Variants in PRDM1 observed in about 807,000 individuals in gnomAD.
PRDM1 encodes PR/SET domain 1.
PRDM1 carries 13 observed loss-of-function variants against 62.8 expected under a neutral mutation model. The ratio of observed to expected loss-of-function variants is 0.21; its 90% CI spans 0.13 to 0.33. The LOEUF (loss-of-function observed/expected upper bound fraction) is 0.33. PRDM1 is among the 10% of genes least tolerant of loss of function. The pLI, the probability that PRDM1 is intolerant of heterozygous loss-of-function variation, is 1.00. For synonymous variants in PRDM1, 396 were observed against 417.6 expected (o/e 0.95, Z 0.63); for missense variants, 895 against 1,058.8 (o/e 0.85, Z 2.15).
intron 1 of PRDM1, among the ~76,000 whole-genome samples, chr6:106,009,603 T>C (rs1352697728): frequency 1.3e-5 from 2 of 152,150 alleles, no homozygotes; most frequent in Non-Finnish European, 2.9e-5. Context: ...GTGGAAACCA[T>C]AAATGAACAA....
chr6:105,993,218 A>T (rs1429332083), upstream of PRDM1, among the ~76,000 whole-genome samples: 3 of 152,234 alleles, frequency 2.0e-5, no homozygotes, highest in Non-Finnish European at 4.4e-5. Flanking sequence ...AAAGGAACTG[A>T]AGTCCTAACT....
At chr6:106,028,918 C>CTTTTTTTTTTTTTTTTT (rs756143283) in intron 1 of PRDM1, among the ~76,000 whole-genome samples, 1 of 124,298 alleles carries the variant, frequency 8.0e-6, no homozygotes, top group Non-Finnish European at 1.7e-5. Flanking sequence ...TTCTTTCCTT[C>CTTTTTTTTTTTTTTTTT]TTTTTTTTTT....
chr6:106,021,504 T>C (rs1428793689), intron 1 of PRDM1, among the ~76,000 whole-genome samples: 1 of 152,204 alleles, frequency 6.6e-6, no homozygotes, highest in Non-Finnish European at 1.5e-5. Flanking sequence ...CTCCTTTACT[T>C]AGGGCAAAGA....
At chr6:105,995,392 G>T (rs1241255951) in intron 1 of PRDM1, among the ~76,000 whole-genome samples, 1 of 152,086 alleles carries the variant, frequency 6.6e-6, no homozygotes, top group Non-Finnish European at 1.5e-5. Context: ...TAAATATACT[G>T]ATGTCTACAG....
intron 1 of PRDM1, among the ~76,000 whole-genome samples, chr6:106,007,734 A>G (rs1478879403): frequency 6.6e-6 from 1 of 152,220 alleles, no homozygotes; most frequent in East Asian, 1.9e-4. Context: ...GTTAGCTAAC[A>G]AGGTCACCTG....
intron 1 of PRDM1, among the ~76,000 whole-genome samples, chr6:106,020,851 T>A (rs1048810855): frequency 4.6e-5 from 7 of 152,186 alleles, no homozygotes; most frequent in Non-Finnish European, 1.0e-4. Context: ...CACACCTAAA[T>A]CTCAATTTCG....
intron 2 of PRDM1, among the ~76,000 whole-genome samples, chr6:106,095,388 G>A (rs923369555): frequency 5.9e-5 from 9 of 152,134 alleles, no homozygotes; most frequent in African/African-American, 2.2e-4. Flanking sequence ...CCCCTAGACT[G>A]TTTTAATGCT....
At chr6:106,098,558 T>A in intron 3 of PRDM1, 3 of 1,293,368 alleles carry the variant, frequency 2.3e-6, no homozygotes, top group Non-Finnish European at 3.1e-6. Flanking sequence ...AGGGGTTCCC[T>A]TCCCTCCTTT....
chr6:106,051,057 A>T (rs60473610), intron 1 of PRDM1, among the ~76,000 whole-genome samples: 1 of 152,306 alleles, frequency 6.6e-6, no homozygotes, highest in East Asian at 1.9e-4. Context: ...AAATAAAAAA[A>T]ATTACTAGAA....
chr6:106,000,467 A>G (rs1772413700), intron 1 of PRDM1, among the ~76,000 whole-genome samples: 1 of 152,178 alleles, frequency 6.6e-6, no homozygotes, highest in South Asian at 2.1e-4. Flanking sequence ...TTTAAAAAAT[A>G]AAATAAAAAA....
At chr6:106,043,652 C>T (rs1191586879), upstream of PRDM1, among the ~76,000 whole-genome samples, 10 of 152,206 alleles carry the variant, frequency 6.6e-5, no homozygotes, top group African/African-American at 2.4e-4. Context: ...TCTCCTGCCT[C>T]AGCCTCCCGA....
intron 1 of PRDM1, among the ~76,000 whole-genome samples, chr6:106,035,524 G>C (rs1291729840): frequency 2.0e-5 from 3 of 152,186 alleles, no homozygotes; most frequent in African/African-American, 7.2e-5. Context: ...AGCTACTCAA[G>C]AGGCTGAGGT....
chr6:106,106,956 C>T lies in PRDM1; in HGVS notation c.1948C>T (p.Leu650=), dbSNP rs147011403. The T allele has an allele frequency of 6.2e-7, 1 of 1,614,158 alleles. No individual in the cohort carries two copies. Among genetic ancestry groups the T allele is most frequent in the Non-Finnish European group, 8.5e-7 (1 of 1,180,032 alleles). ...FSSTSNLKTH[L]RLHSGEKPYQ... ...CAGCACCAGCAATCTCAAGACCCAC[C>T]TGCGACTCCATTCTGGAGAGAAACC... Residue 650 remains leucine, a synonymous_variant, in exon 7 of 7, where the codon CTG becomes TTG. Transcript: ENST00000369096. The surrounding 1 kb of genome is among the most constrained non-coding windows in gnomAD (Gnocchi z 4.4).
chr6:106,088,091 C>G, intron 1 of PRDM1, 110 bp from the exon 2 acceptor site: 3 of 1,358,606 alleles, frequency 2.2e-6, no homozygotes, highest in Admixed American at 2.7e-5. Context: ...ACCAAGCACT[C>G]TGCATCTGCT....
chr6:106,053,632 G>C (rs981400611), intron 1 of PRDM1, among the ~76,000 whole-genome samples: 5 of 151,990 alleles, frequency 3.3e-5, no homozygotes, highest in Non-Finnish European at 7.4e-5. Flanking sequence ...TGGCACCCAA[G>C]GACTCTTAGG....
chr6:106,082,986 C>T (rs563854645), upstream of PRDM1, among the ~76,000 whole-genome samples: 16 of 152,082 alleles, frequency 1.1e-4, no homozygotes, highest in African/African-American at 3.4e-4. Context: ...TCTTCTTGTC[C>T]GGCTTTTAAA....
Position 106,021,782 on chromosome 6 carries a change from G to A in PRDM1, c.-67+28143G>A, listed in dbSNP as rs150335773. Among the ~76,000 whole-genome samples, 11 of 152,048 alleles carry A rather than the reference G, an allele frequency of 7.2e-5. No individual in the cohort carries two copies. The East Asian group carries it at 7.7e-4, about 11-fold the overall frequency. On this transcript the variant is annotated intron_variant, in intron 1 of 6. Transcript: ENST00000652320. ...ATTACAGGCACGCGCCACCACGCCCGGCTAATTTTGTATTTTTAGTAGAAA... is the reference window on the plus strand; with the variant it reads ...ATTACAGGCACGCGCCACCACGCCCAGCTAATTTTGTATTTTTAGTAGAAA...
chr6:106,006,399 T>C (rs1019668622), intron 1 of PRDM1, among the ~76,000 whole-genome samples: 2 of 148,440 alleles, frequency 1.3e-5, no homozygotes. Flanking sequence ...CCCTATCTAA[T>C]GAGCTTGCAA....
chr6:106,092,133 A>G (rs1773980687), intron 2 of PRDM1, among the ~76,000 whole-genome samples: 1 of 143,678 alleles, frequency 7.0e-6, no homozygotes, highest in African/African-American at 2.6e-5. Context: ...GGAATTTGAA[A>G]AAAAAAAAAA....
Sources: allele counts gnomAD v4.1 joint callset (sites outside exome capture counted in the v4.1 genomes callset), GRCh38; gene constraint gnomAD v4.1.1; non-coding constraint Gnocchi (gnomAD v3.1); transcripts MANE v1.5; gene names NCBI Gene and HGNC (gene_info 2026-07-23, HGNC 2026-07-21).